The following SGPP1 variants were observed in gnomAD, a reference collection of about 807,000 sequenced individuals.
The protein encoded by SGPP1 is hSPP1.
Under a neutral mutation model 33.0 loss-of-function variants are expected in SGPP1, and 21 were observed. That is an observed-to-expected ratio of 0.64 (90% confidence interval 0.45 to 0.92). The LOEUF is 0.92. Ranked by LOEUF, SGPP1 falls within the 40% of genes least tolerant of loss-of-function variation. SGPP1 has a pLI of 0.00. For missense variants in SGPP1, 543 were observed against 589.4 expected, an observed-to-expected ratio of 0.92 and a Z score of 0.81; for synonymous variants, 239 against 241.2, an observed-to-expected ratio of 0.99 and a Z score of 0.08.
At chr14:63,727,129 CGA>C in intron 1 of SGPP1, 130 bp downstream of exon 1, 2 of 1,384,794 alleles carry the variant, frequency 1.4e-6, no homozygotes. Flanking sequence ...GGCCTGTTTG[CGA>C]GTATTGTGAA....
intron 1 of SGPP1, among the ~76,000 whole-genome samples, chr14:63,719,619 T>C (rs748563267): frequency 5.3e-5 from 8 of 151,982 alleles, no homozygotes; most frequent in Non-Finnish European, 1.0e-4. Context: ...AATAAATGTA[T>C]AGAAATAGTC....
intron 1 of SGPP1, among the ~76,000 whole-genome samples, chr14:63,702,080 T>C (rs1436457769): frequency 6.6e-6 from 1 of 151,450 alleles, no homozygotes; most frequent in Non-Finnish European, 1.5e-5. Context: ...GAAGAAAAAA[T>C]CACCTATAGA....
rs1884939578 is a variant in SGPP1 at position 63,684,941 on chromosome 14, A to T, written c.*1164T>A. 1 of 152,334 alleles carries T rather than the reference A, an allele frequency of 6.6e-6. No individual in the cohort carries two copies. Among genetic ancestry groups the T allele is most frequent in the African/African-American group, 2.4e-5 (1 of 41,468 alleles). The allele number at this position is 152,334 out of a possible 1,614,324, so 9.4% of individuals were successfully genotyped here. On this transcript the variant is annotated 3_prime_UTR_variant, in exon 3 of 3. Coordinates refer to ENST00000247225, the MANE Select transcript of SGPP1 (RefSeq NM_030791.4). ...ATTAAAAGTTAACGGTGCTAAATCC[A>T]ATCCTTTCCAAATTATTTAGAAAAA...
At chr14:63,718,187 G>T (rs946057352) in intron 1 of SGPP1, among the ~76,000 whole-genome samples, 10 of 151,634 alleles carry the variant, frequency 6.6e-5, no homozygotes, top group Non-Finnish European at 2.9e-5. Context: ...GGTGGAGGTT[G>T]CAGTGAGCCA....
intron 1 of SGPP1, among the ~76,000 whole-genome samples, chr14:63,707,774 T>A (rs185076350): frequency 7.9e-5 from 12 of 152,246 alleles, no homozygotes; most frequent in African/African-American, 2.9e-4. Flanking sequence ...ATGTCTTGGA[T>A]AATCCACCCT....
chr14:63,727,822 C>T lies in SGPP1; in HGVS notation c.123G>A (p.Glu41=), dbSNP rs1056711086. 4.0e-6 allele frequency: 6 copies of T among 1,508,898 alleles called. No individual in the cohort carries two copies. In the African/African-American group the frequency reaches 8.6e-5, roughly 22 times the overall value. 93.5% of individuals were successfully genotyped at this position (1,508,898 alleles called of 1,614,324 possible). A position where few individuals can be genotyped will look rare whatever the true frequency, so the allele number is the denominator to read the frequency against. Residue 41 remains glutamate (E), a synonymous_variant, in exon 1 of 3, where the codon GAG becomes GAA. Coordinates refer to ENST00000247225, the MANE Select transcript of SGPP1 (RefSeq NM_030791.4). ...APPRRSADRR[E]DEKAEAPLAG... is the part of the protein sequence containing the mutation. ...CGAGAGGCGCCTCCGCTTTCTCATC[C>T]TCCCTCCGGTCTGCTGAGCGGCGCG...
rs1884946976 is a variant in SGPP1, at chr14:63,685,281, T to C, written c.*824A>G. 1 of 152,570 alleles carries C rather than the reference T, an allele frequency of 6.6e-6. No individual in the cohort carries two copies. Among genetic ancestry groups the C allele is most frequent in the Admixed American group, 6.5e-5 (1 of 15,272 alleles). The allele number at this position is 152,570 out of a possible 1,614,324, so 9.5% of individuals were successfully genotyped here. On this transcript the variant is annotated 3_prime_UTR_variant, in exon 3 of 3. Transcript: ENST00000247225. ...TTTTTAAAATATTTGCTTGATTATA[T>C]GTAACTTAAGATAAAGTTAATGTCT...
rs1434405285 is a variant in SGPP1 at position 63,727,751 on chromosome 14, C to T, written c.194G>A (p.Gly65Asp). The change falls in exon 1 of 3, where the codon GGC becomes GAC. Residue 65 changes from glycine to aspartate, a missense_variant. Coordinates refer to ENST00000247225, the MANE Select transcript of SGPP1 (RefSeq NM_030791.4). ...GCGGTCGCTCCCGGGAGGCTGGGGGCCTCCAGGCGCCCCTGGCTGCCGCCC... is the reference window on the plus strand; with the variant it reads ...GCGGTCGCTCCCGGGAGGCTGGGGGTCTCCAGGCGCCCCTGGCTGCCGCCC... ...LRGRQPGAPGGPQPPGSDRNQ... is the reference protein window; with the variant it reads ...LRGRQPGAPGDPQPPGSDRNQ... 13 of 1,482,256 alleles carry T rather than the reference C, an allele frequency of 8.8e-6. No homozygotes were observed. Among genetic ancestry groups the T allele is most frequent in the South Asian group, 1.3e-5 (1 of 78,690 alleles). 91.8% of individuals were successfully genotyped at this position (1,482,256 alleles called of 1,614,324 possible). A position where few individuals can be genotyped will look rare whatever the true frequency, so the allele number is the denominator to read the frequency against.
At chr14:63,698,766 A>T (rs1439831839) in intron 1 of SGPP1, 108 bp from the exon 2 acceptor site, 3 of 551,122 alleles carry the variant, frequency 5.4e-6, no homozygotes, top group Non-Finnish European at 8.9e-6. Flanking sequence ...TAAAACAAGA[A>T]ATTTGTTTTT....
At chr14:63,706,617 CA>C (rs1169281573) in intron 1 of SGPP1, among the ~76,000 whole-genome samples, 1 of 152,132 alleles carries the variant, frequency 6.6e-6, no homozygotes, top group African/African-American at 2.4e-5. Context: ...AGCCTTCAGC[CA>C]CCAGCCTTAC....
intron 1 of SGPP1, 134 bp downstream of exon 1, chr14:63,727,127 T>G: frequency 7.2e-7 from 1 of 1,384,332 alleles, no homozygotes; most frequent in Non-Finnish European, 9.4e-7. Context: ...AGGGCCTGTT[T>G]GCGAGTATTG....
In SGPP1 at chr14:63,714,851, C is replaced by T. The variant is rs549640699; in HGVS notation, c.684+12410G>A. The stretch of plus-strand genomic sequence containing the variant: ...GGTGATTTTTCCCCACCTTAGCCTC[C>T]AGAGTAGCTGGGACCACAGGCACAC... On this transcript the variant is annotated intron_variant, in intron 1 of 2. Coordinates refer to ENST00000247225, the MANE Select transcript of SGPP1 (RefSeq NM_030791.4). Among the ~76,000 whole-genome samples, 3 of 151,952 alleles carry T rather than the reference C, an allele frequency of 2.0e-5. No individual in the cohort carries two copies. The South Asian group carries it at 6.2e-4, about 32-fold the overall frequency.
rs979399011 is a variant in SGPP1 at position 63,727,441 on chromosome 14, C to T, written c.504G>A (p.Val168=). 2 of 1,613,986 alleles carry T rather than the reference C, an allele frequency of 1.2e-6. No individual in the cohort carries two copies. The highest frequency in any genetic ancestry group is 3.3e-5 in the Admixed American group (2 of 60,006). ...LVGRRLVVIW[V]LVMYLGQCTK... ...TGCACTGGCCCAGGTACATGACCAG[C>T]ACCCAGATGACCACGAGCCTCCGGC... The change falls in exon 1 of 3, where the codon GTG becomes GTA. Residue 168 remains valine, a synonymous_variant. Transcript: ENST00000247225.
At chr14:63,719,577 A>G (rs1885725559) in intron 1 of SGPP1, among the ~76,000 whole-genome samples, 1 of 152,034 alleles carries the variant, frequency 6.6e-6, no homozygotes, top group Non-Finnish European at 1.5e-5. Flanking sequence ...GTATTGGAAT[A>G]TTTCTTGAGG....
At position 63,698,715 on chromosome 14, in the gene SGPP1, C is replaced by T. The variant is rs1885238939; in HGVS notation, c.685-57G>A. On this transcript the variant is annotated intron_variant, in intron 1 of 2. Coordinates refer to ENST00000247225, the MANE Select transcript of SGPP1 (RefSeq NM_030791.4). ...CAAATTTAAGTTAGATATAAACAAACAAATAAAAGACAAATCAAATCACTA... is the reference window on the plus strand; with the variant it reads ...CAAATTTAAGTTAGATATAAACAAATAAATAAAAGACAAATCAAATCACTA... 8 of 967,784 alleles carry T rather than the reference C, an allele frequency of 8.3e-6. No individual in the cohort carries two copies. The South Asian group carries it at 1.2e-4, about 15-fold the overall frequency. 59.9% of individuals were successfully genotyped at this position (967,784 alleles called of 1,614,324 possible). A position where few individuals can be genotyped will look rare whatever the true frequency, so the allele number is the denominator to read the frequency against.
chr14:63,711,013 T>TTG lies in SGPP1; in HGVS notation c.685-12356_685-12355insCA, dbSNP rs1251092153. 8.4e-3 allele frequency among the ~76,000 whole-genome samples: 1,246 copies of TTG among 148,926 alleles called. 9 individuals carry two copies. Among genetic ancestry groups the TTG allele is most frequent in the African/African-American group, 0.03 (1,167 of 39,230 alleles). ...ATTTCATTCATTAAGATTGTTTTCT[T>TTG]TCTTTTTTTTTTTTTTTGAGACAGA... On this transcript the variant is annotated intron_variant, in intron 1 of 2. Transcript: ENST00000247225.
chr14:63,710,553 T>C (rs1345010302), intron 1 of SGPP1, among the ~76,000 whole-genome samples: 1 of 152,230 alleles, frequency 6.6e-6, no homozygotes, highest in Non-Finnish European at 1.5e-5. Flanking sequence ...TAAGGTGGAA[T>C]GAGGCTAAGC....
At chr14:63,700,583 C>T (rs1204164213) in intron 1 of SGPP1, among the ~76,000 whole-genome samples, 5 of 151,940 alleles carry the variant, frequency 3.3e-5, no homozygotes, top group Admixed American at 6.6e-5. Context: ...AGGCATTAAA[C>T]AGTAAACACA....
chr14:63,722,568 C>T (rs1291140077), intron 1 of SGPP1, among the ~76,000 whole-genome samples: 1 of 147,656 alleles, frequency 6.8e-6, no homozygotes, highest in Admixed American at 6.7e-5. Context: ...ATTAACAATG[C>T]TATAACATTA....
Sources: allele counts gnomAD v4.1 joint callset (sites outside exome capture counted in the v4.1 genomes callset), GRCh38; gene constraint gnomAD v4.1.1; transcripts MANE v1.5; gene names NCBI Gene and HGNC (gene_info 2026-07-23, HGNC 2026-07-21).